Variants in DOCK7 observed in about 807,000 individuals in gnomAD.
DOCK7 encodes dedicator of cytokinesis 7.
A neutral mutation model predicts 271.0 loss-of-function variants in DOCK7; 138 were observed. That is an observed-to-expected ratio of 0.51 (90% CI 0.44 to 0.59). DOCK7 has a LOEUF of 0.59. DOCK7 is among the 20% of genes least tolerant of loss of function. The probability of loss-of-function intolerance (pLI) is 0.00; values close to 1 mark genes in which losing one functional copy is unlikely to be tolerated. For synonymous variants in DOCK7, 823 were observed against 876.1 expected, an observed-to-expected ratio of 0.94 and a Z score of 1.07; for missense variants, 2,066 against 2,592.4, an observed-to-expected ratio of 0.80 and a Z score of 4.41.
intron 14 of DOCK7, among the ~76,000 whole-genome samples, chr1:62,610,305 A>G (rs1398676221): frequency 6.6e-6 from 1 of 152,088 alleles, no homozygotes; most frequent in Non-Finnish European, 1.5e-5. Flanking sequence ...TACTTTCTGA[A>G]GCAGAGAACC....
chr1:62,601,420 T>G (rs1361366071), intron 14 of DOCK7, among the ~76,000 whole-genome samples: 1 of 151,682 alleles, frequency 6.6e-6, no homozygotes. Context: ...GAAGGTTTAT[T>G]AATTTTCTTA....
At chr1:62,584,237 T>G (rs1184525207) in intron 15 of DOCK7, 5 of 977,336 alleles carry the variant, frequency 5.1e-6, no homozygotes, top group Non-Finnish European at 6.1e-6. Context: ...TAAGGGTATG[T>G]ACAAGTGTAA....
intron 14 of DOCK7, among the ~76,000 whole-genome samples, chr1:62,587,897 T>C (rs1647806693): frequency 6.6e-6 from 1 of 152,102 alleles, no homozygotes; most frequent in African/African-American, 2.4e-5. Flanking sequence ...TGTGTTTTAG[T>C]TAATAGTAAT....
intron 1 of DOCK7, 55 bp downstream of exon 1, chr1:62,688,172 C>T (rs904651227): frequency 1.5e-6 from 2 of 1,339,944 alleles, no homozygotes; most frequent in East Asian, 6.7e-5. Flanking sequence ...CCTGGGAGGA[C>T]TCCGCGGCTC....
In DOCK7 at chr1:62,600,896, C is replaced by A. The variant is rs1571717087; in HGVS notation, c.1683-14272G>T. 14 of 512,388 alleles carry A rather than the reference C, an allele frequency of 2.7e-5. No individual in the cohort carries two copies. The East Asian group carries it at 4.2e-4, about 15-fold the overall frequency. The allele number at this position is 512,388 out of a possible 1,614,324, so 31.7% of individuals were successfully genotyped here. A position where few individuals can be genotyped will look rare whatever the true frequency, so the allele number is the denominator to read the frequency against. ...ATTTTTTTATCTTATTAAATAATGT[C>A]CCTGATTAAATATTTTGAGAACAGG... On this transcript the variant is annotated intron_variant, in intron 14 of 49. Coordinates refer to ENST00000635253, the MANE Select transcript of DOCK7 (RefSeq NM_001367561.1).
chr1:62,670,651 T>G (rs1322769592), intron 1 of DOCK7, among the ~76,000 whole-genome samples: 1 of 151,768 alleles, frequency 6.6e-6, no homozygotes, highest in East Asian at 1.9e-4. Flanking sequence ...TGGGGCCTTG[T>G]AGAACCTATG....
chr1:62,517,396 G>A (rs1276621903), intron 31 of DOCK7, among the ~76,000 whole-genome samples: 2 of 152,128 alleles, frequency 1.3e-5, no homozygotes, highest in Admixed American at 1.3e-4. Context: ...AGGAGTTCGA[G>A]ATCAGCCGGA....
At chr1:62,662,051 T>C (rs1032055161) in intron 2 of DOCK7, among the ~76,000 whole-genome samples, 1 of 152,172 alleles carries the variant, frequency 6.6e-6, no homozygotes, top group Admixed American at 6.5e-5. Context: ...TATATCATTA[T>C]AAGTCGATCA....
In DOCK7 at chr1:62,653,773, C is replaced by G. The variant is rs1260569271; in HGVS notation, c.341G>C (p.Arg114Thr). 1.3e-6 allele frequency: 2 copies of G among 1,597,764 alleles called. No individual in the cohort carries two copies. The highest frequency in any genetic ancestry group is 1.7e-6 in the Non-Finnish European group (2 of 1,165,884). ...TTCTGTATAACTTCTTATACAGTCT[C>G]TAACATGTGGATCCATTTCACTATT... ...PEESEMDPHV[R>T]DCIRSYTEDW... Residue 114 changes from arginine (R) to threonine (T), a missense_variant, in exon 4 of 50, where the codon AGA becomes ACA. Physicochemically the swap from Arg to Thr is moderately conservative, Grantham distance 71. This residue lies in a region of DOCK7 where 1,414 missense variants were observed against 1,670.4 expected (regional missense o/e 0.85). Coordinates refer to ENST00000635253, the MANE Select transcript of DOCK7 (RefSeq NM_001367561.1).
At chr1:62,497,967 TA>T (rs565062430) in intron 37 of DOCK7, among the ~76,000 whole-genome samples, 77 of 148,392 alleles carry the variant, frequency 5.2e-4, no homozygotes, top group Admixed American at 6.7e-4. Flanking sequence ...AAAGTGCTTT[TA>T]AAAAAAAAAG....
chr1:62,624,804 C>G (rs1305179245), intron 12 of DOCK7, among the ~76,000 whole-genome samples: 1 of 151,976 alleles, frequency 6.6e-6, no homozygotes, highest in Non-Finnish European at 1.5e-5. Context: ...AGTATCCTGT[C>G]TCTACTAAAA....
At chr1:62,596,644 A>T (rs950843188) in intron 14 of DOCK7, among the ~76,000 whole-genome samples, 17 of 150,048 alleles carry the variant, frequency 1.1e-4, no homozygotes, top group African/African-American at 3.2e-4. Context: ...CATCATCTTT[A>T]AAAAAAAAAT....
chr1:62,556,170 A>T (rs992357527), intron 20 of DOCK7, among the ~76,000 whole-genome samples, 181 bp from the exon 21 acceptor site: 1 of 152,230 alleles, frequency 6.6e-6, no homozygotes, highest in Non-Finnish European at 1.5e-5. Flanking sequence ...TGAGCCAAAA[A>T]TACTTTTCTG....
intron 1 of DOCK7, 106 bp downstream of exon 1, chr1:62,688,121 C>T: frequency 1.7e-6 from 2 of 1,177,400 alleles, no homozygotes; most frequent in Non-Finnish European, 2.1e-6. Flanking sequence ...CGCGGGATCC[C>T]GGTGCCGGCC....
chr1:62,512,144 A>C (rs973361283), intron 33 of DOCK7, among the ~76,000 whole-genome samples: 14 of 152,222 alleles, frequency 9.2e-5, no homozygotes, highest in African/African-American at 3.4e-4. Flanking sequence ...ATAGTATATA[A>C]ATGATACTTA....
intron 28 of DOCK7, among the ~76,000 whole-genome samples, chr1:62,537,284 G>A (rs1645375394): frequency 1.3e-5 from 2 of 152,190 alleles, no homozygotes; most frequent in Non-Finnish European, 1.5e-5. Flanking sequence ...TAAAACAGTG[G>A]TTAAGAACTT....
At chr1:62,595,281 T>G (rs1170780690) in intron 14 of DOCK7, among the ~76,000 whole-genome samples, 1 of 152,196 alleles carries the variant, frequency 6.6e-6, no homozygotes, top group Non-Finnish European at 1.5e-5. Context: ...TAGTTCTAAT[T>G]ACAAAAATGG....
chr1:62,668,672 C>A (rs780807370), intron 1 of DOCK7, among the ~76,000 whole-genome samples: 1 of 152,032 alleles, frequency 6.6e-6, no homozygotes, highest in African/African-American at 2.4e-5. Flanking sequence ...GCAGGAGGAT[C>A]GCTTGAGCCC....
At chr1:62,687,256 T>C (rs1473121248) in intron 1 of DOCK7, among the ~76,000 whole-genome samples, 4 of 152,254 alleles carry the variant, frequency 2.6e-5, no homozygotes, top group African/African-American at 9.6e-5. Flanking sequence ...ATAAGTATAC[T>C]CCACAAAGAA....
Sources: gnomAD v4.1 joint callset for allele counts (sites outside exome capture counted in the v4.1 genomes callset) on GRCh38, gnomAD v4.1.1 for gene constraint, gnomAD v4.1.1 regional missense constraint, MANE v1.5 for transcripts, NCBI Gene and HGNC (gene_info 2026-07-23, HGNC 2026-07-21) for gene names.